SH3BP2: variants seen among roughly 807,000 people sequenced by gnomAD.
SH3BP2 encodes the protein SH3 domain binding protein 2.
In SH3BP2, 38 loss-of-function variants were observed where a neutral mutation model predicts 56.2. The ratio of observed to expected loss-of-function variants is 0.68; its 90% CI spans 0.52 to 0.89. SH3BP2 has a LOEUF of 0.89. Among genes scored for constraint, SH3BP2 ranks in the 40% least tolerant of loss-of-function variants. The pLI, the probability that SH3BP2 is intolerant of heterozygous loss-of-function variation, is 0.00. For synonymous variants in SH3BP2, 346 were observed against 316.7 expected, an observed-to-expected ratio of 1.09 and a Z score of -0.98; for missense variants, 748 against 762.6, an observed-to-expected ratio of 0.98 and a Z score of 0.23.
At chr4:2,819,690 G>T (rs1355446671) in intron 1 of SH3BP2, among the ~76,000 whole-genome samples, 1 of 150,982 alleles carries the variant, frequency 6.6e-6, no homozygotes, top group Non-Finnish European at 1.5e-5. Context: ...GGAAGATGCT[G>T]GATTTAAGTG....
At position 2,831,898 on chromosome 4, in the gene SH3BP2, C is replaced by T. The variant is rs1725008698; in HGVS notation, c.1351-25C>T. On this transcript the variant is annotated intron_variant, in intron 9 of 12. Transcript: ENST00000503393. The surrounding 1 kb of genome is among the most constrained non-coding windows in gnomAD (Gnocchi z 4.1). ...TGCGGGTGGATCACTCCGACGTTGG[C>T]ACTGACACCGTCAGCCTCTTGCAGG... 2 of 1,611,336 alleles carry T rather than the reference C, an allele frequency of 1.2e-6. No individual in the cohort carries two copies. Among genetic ancestry groups the T allele is most frequent in the Non-Finnish European group, 8.5e-7 (1 of 1,179,456 alleles).
In SH3BP2 at chr4:2,810,481, C is replaced by T. The variant is rs1483930901; in HGVS notation, c.-4-10133C>T. On this transcript the variant is annotated intron_variant, in intron 1 of 12. Coordinates refer to ENST00000503393, the MANE Select transcript of SH3BP2 (RefSeq NM_001122681.2). This position sits in a 1 kb window ranked among gnomAD's most constrained non-coding sequence, Gnocchi z 4.2. ...CCTGGCTCCTGCTTCCAGCTCAGGCCTTGTCCGCTCTTGCATTTGCCTGCC... is the reference window on the plus strand; with the variant it reads ...CCTGGCTCCTGCTTCCAGCTCAGGCTTTGTCCGCTCTTGCATTTGCCTGCC... Among the ~76,000 whole-genome samples, 1 of 151,822 alleles carries T rather than the reference C, an allele frequency of 6.6e-6. No homozygotes were observed. Among genetic ancestry groups the T allele is most frequent in the South Asian group, 2.1e-4 (1 of 4,810 alleles).
chr4:2,824,843 C>G, intron 4 of SH3BP2, 113 bp downstream of exon 4: 1 of 850,834 alleles, frequency 1.2e-6, no homozygotes, highest in African/African-American at 1.7e-5. Context: ...CTCTCAGCCC[C>G]GGGCAAAGAG....
chr4:2,795,947 A>G (rs939736926), intron 1 of SH3BP2, among the ~76,000 whole-genome samples: 2 of 152,180 alleles, frequency 1.3e-5, no homozygotes, highest in Non-Finnish European at 2.9e-5. Context: ...GGGCTGCCTA[A>G]GTCCCAGAGG....
intron 3 of SH3BP2, among the ~76,000 whole-genome samples, chr4:2,823,825 C>G (rs1281131902): frequency 6.6e-6 from 1 of 152,246 alleles, no homozygotes; most frequent in African/African-American, 2.4e-5. Context: ...CTCTAGGCCC[C>G]GGCCTGCACC....
intron 1 of SH3BP2, among the ~76,000 whole-genome samples, chr4:2,817,515 C>G (rs2108720818): frequency 6.6e-6 from 1 of 152,248 alleles, no homozygotes; most frequent in East Asian, 1.9e-4. Flanking sequence ...AGGGTCAGGC[C>G]CAGGCTGTTA....
Position 2,824,725 on chromosome 4 carries a change from C to CGCAAGGTGACTGGGGGTCCGAGGACGAGT in SH3BP2, c.357+13_357+41dup. 3 of 1,605,976 alleles carry CGCAAGGTGACTGGGGGTCCGAGGACGAGT rather than the reference C, an allele frequency of 1.9e-6. No individual in the cohort carries two copies. Among genetic ancestry groups the CGCAAGGTGACTGGGGGTCCGAGGACGAGT allele is most frequent in the South Asian group, 1.1e-5 (1 of 90,930 alleles). On this transcript the variant is annotated frameshift_variant, in exon 4 of 13. Transcript: ENST00000503393. LOFTEE classifies it high-confidence loss of function. The stretch of plus-strand genomic sequence containing the variant: ...CTTCTCGGCCTCCTCCGAGGAGGAG[C>CGCAAGGTGACTGGGGGTCCGAGGACGAGT]GCAAGGTGACTGGGGGTCCGAGGAC...
Position 2,827,638 on chromosome 4 carries a change from C to T in SH3BP2, c.550C>T (p.Leu184=), listed in dbSNP as rs1422288614. 1.3e-6 allele frequency: 2 copies of T among 1,594,200 alleles called. No homozygotes were observed. Among genetic ancestry groups the T allele is most frequent in the Non-Finnish European group, 1.7e-6 (2 of 1,169,962 alleles). Residue 184 remains leucine, a synonymous_variant, in exon 7 of 13, where the codon CTG becomes TTG. Coordinates refer to ENST00000503393, the MANE Select transcript of SH3BP2 (RefSeq NM_001122681.2). ...GCACGACGATGAGGATGACTCCTAC[C>T]TGGAGCCTGACTCCCCGGAGCCCGG... ...YEHDDEDDSY[L]EPDSPEPGRL...
At chr4:2,818,173 C>A (rs1418999981) in intron 1 of SH3BP2, 1 of 979,870 alleles carries the variant, frequency 1.0e-6, no homozygotes, top group African/African-American at 1.8e-5. Context: ...CCCGCCCAGT[C>A]CCCCGCCGAG....
rs1725302200 is a variant in SH3BP2, at chr4:2,838,218, G to A, written c.*4384G>A. 1 of 152,254 alleles carries A rather than the reference G, an allele frequency of 6.6e-6. No individual in the cohort carries two copies. The highest frequency in any genetic ancestry group is 2.4e-5 in the African/African-American group (1 of 41,454). The allele number at this position is 152,254 out of a possible 1,614,324, so 9.4% of individuals were successfully genotyped here. ...GTGAACGATCTGCAACCACCATCAG[G>A]AAATAGTTTTGCCAGCACCCAAGTG... On this transcript the variant is annotated 3_prime_UTR_variant, in exon 13 of 13. Transcript: ENST00000503393.
intron 1 of SH3BP2, chr4:2,812,130 A>G: frequency 7.4e-7 from 1 of 1,360,146 alleles, no homozygotes; most frequent in Non-Finnish European, 9.6e-7. Flanking sequence ...GGAAGGTAGG[A>G]GTTAAAACCC....
At chr4:2,805,140 C>T (rs6600770) in intron 1 of SH3BP2, among the ~76,000 whole-genome samples, 2 of 152,108 alleles carry the variant, frequency 1.3e-5, no homozygotes, top group East Asian at 3.9e-4. Flanking sequence ...TGGCGGGAGC[C>T]CTCTGCTTCT....
chr4:2,824,463 C>G (rs1033980574), intron 3 of SH3BP2, 150 bp from the exon 4 acceptor site: 3 of 675,400 alleles, frequency 4.4e-6, no homozygotes, highest in Non-Finnish European at 8.0e-6. Context: ...AAGCTCACTA[C>G]TGGGAGCATC....
At position 2,829,819 on chromosome 4, in the gene SH3BP2, C is replaced by G; in HGVS notation, c.913C>G (p.Pro305Ala). The change falls in exon 8 of 13, where the codon CCG becomes GCG. Residue 305 changes from proline (P) to alanine (A), a missense_variant. Pro to Ala is a conservative substitution (Grantham distance 27). Coordinates refer to ENST00000503393, the MANE Select transcript of SH3BP2 (RefSeq NM_001122681.2). This position sits in a 1 kb window ranked among gnomAD's most constrained non-coding sequence, Gnocchi z 4.9. ...CTTCCGGGAGAGTGCCAGCCCCAGC[C>G]CGGAGCCCTGGACCCCTGGCCACGG... ...PCFRESASPS[P>A]EPWTPGHGAC... 6.2e-7 allele frequency: 1 copy of G among 1,613,494 alleles called. No individual in the cohort carries two copies. Among genetic ancestry groups the G allele is most frequent in the South Asian group, 1.1e-5 (1 of 91,090 alleles).
intron 1 of SH3BP2, chr4:2,812,587 C>G: frequency 7.3e-7 from 1 of 1,362,060 alleles, no homozygotes; most frequent in Non-Finnish European, 9.9e-7. Flanking sequence ...CGGGGCTGGC[C>G]GTGGGAGCCC....
intron 1 of SH3BP2, among the ~76,000 whole-genome samples, chr4:2,802,404 ATGTGTGTGTGTGTGTGTGTGTGTGTG>A (rs1175501543): frequency 7.4e-6 from 1 of 135,900 alleles, no homozygotes; most frequent in Non-Finnish European, 1.6e-5. Context: ...AAAAAAATAT[ATGTGTGTGTGTGTGTGTGTGTGTGTG>A]TGTGTGTGTG....
At chr4:2,825,080 C>A in intron 4 of SH3BP2, 46 bp from the exon 5 acceptor site, 1 of 1,516,300 alleles carries the variant, frequency 6.6e-7, no homozygotes, top group Non-Finnish European at 9.0e-7. Context: ...TGCGGTGGGG[C>A]CCACCCTGGT....
At position 2,833,838 on chromosome 4, in the gene SH3BP2, C is replaced by T; in HGVS notation, c.*4C>T. The T allele has an allele frequency of 1.3e-6, 2 of 1,562,878 alleles. No homozygotes were observed. Among genetic ancestry groups the T allele is most frequent in the Non-Finnish European group, 1.7e-6 (2 of 1,154,982 alleles). On this transcript the variant is annotated 3_prime_UTR_variant, in exon 13 of 13. Transcript: ENST00000503393. ...CGGCTACACTGGGCCTAGGTGATGGCAGTCCATGTGGCTGCCAGGCCAAGG... is the reference window on the plus strand; with the variant it reads ...CGGCTACACTGGGCCTAGGTGATGGTAGTCCATGTGGCTGCCAGGCCAAGG...
chr4:2,834,904 T>G lies in SH3BP2; in HGVS notation c.*1070T>G, dbSNP rs563778365. ...TTTTTGGAGGAAGTAACAGCTACGA[T>G]GGGATGGGAACAGTGGACCCTAAGC... On this transcript the variant is annotated 3_prime_UTR_variant, in exon 13 of 13. Coordinates refer to ENST00000503393, the MANE Select transcript of SH3BP2 (RefSeq NM_001122681.2). 2 of 152,602 alleles carry G rather than the reference T, an allele frequency of 1.3e-5. No individual in the cohort carries two copies. The highest frequency in any genetic ancestry group is 4.8e-5 in the African/African-American group (2 of 41,520). 9.5% of individuals were successfully genotyped at this position (152,602 alleles called of 1,614,324 possible). A position where few individuals can be genotyped will look rare whatever the true frequency, so the allele number is the denominator to read the frequency against.
Sources: gnomAD v4.1 joint callset for allele counts (sites outside exome capture counted in the v4.1 genomes callset) on GRCh38, gnomAD v4.1.1 for gene constraint, Gnocchi (gnomAD v3.1) non-coding constraint, MANE v1.5 for transcripts, NCBI Gene and HGNC (gene_info 2026-07-23, HGNC 2026-07-21) for gene names.